CDH13: variants seen among roughly 807,000 people sequenced by gnomAD.
CDH13 encodes the protein cadherin-13.
Under a neutral mutation model 63.8 loss-of-function variants are expected in CDH13, and 24 were observed. That is an observed-to-expected ratio of 0.38 (90% CI 0.27 to 0.53). The LOEUF is 0.53. Among genes scored for constraint, CDH13 ranks in the 20% least tolerant of loss-of-function variants. CDH13 has a pLI of 0.85. For missense variants in CDH13, 1,049 were observed against 903.1 expected, an observed-to-expected ratio of 1.16 and a Z score of -2.07; for synonymous variants, 503 against 355.3, an observed-to-expected ratio of 1.42 and a Z score of -4.67.
At chr16:82,836,251 C>T (rs777267618) in intron 1 of CDH13, among the ~76,000 whole-genome samples, 98 of 152,064 alleles carry the variant, frequency 6.4e-4, no homozygotes, top group Admixed American at 1.3e-3. Context: ...TGGGTTCAAG[C>T]GATTCTCCTC....
chr16:83,335,761 C>T (rs147545170), intron 5 of CDH13, among the ~76,000 whole-genome samples: 128 of 152,140 alleles, frequency 8.4e-4, no homozygotes, highest in African/African-American at 3.0e-3. Context: ...ATCTAATTAC[C>T]GGTGCATGCA....
chr16:82,978,748 C>T (rs759647216), intron 2 of CDH13, among the ~76,000 whole-genome samples: 1 of 152,240 alleles, frequency 6.6e-6, no homozygotes, highest in Non-Finnish European at 1.5e-5. Context: ...TCATGGAGAA[C>T]CTCTGCTAGA....
chr16:83,048,009 GT>G (rs1334212884), intron 3 of CDH13, among the ~76,000 whole-genome samples: 1 of 152,018 alleles, frequency 6.6e-6, no homozygotes, highest in East Asian at 1.9e-4. Context: ...TATCTTTTTT[GT>G]CACAATAGAA....
intron 7 of CDH13, among the ~76,000 whole-genome samples, chr16:83,508,052 A>T (rs2074444893): frequency 1.9e-5 from 1 of 51,528 alleles, no homozygotes; most frequent in Non-Finnish European, 3.7e-5. Context: ...AGAGAGAAAG[A>T]GAAGAAGGAA....
intron 1 of CDH13, among the ~76,000 whole-genome samples, chr16:82,655,631 T>A (rs139632560): frequency 1.8e-3 from 273 of 152,256 alleles, no homozygotes; most frequent in African/African-American, 6.2e-3. Flanking sequence ...TTTGTTTTTA[T>A]GTGCAGCAGA....
At chr16:82,782,934 A>G (rs553982945) in intron 1 of CDH13, among the ~76,000 whole-genome samples, 2 of 152,008 alleles carry the variant, frequency 1.3e-5, no homozygotes, top group African/African-American at 4.8e-5. Flanking sequence ...ACTAGGGGCA[A>G]CTCTACTTCC....
At chr16:83,107,282 A>G (rs947061750) in intron 3 of CDH13, among the ~76,000 whole-genome samples, 1 of 152,020 alleles carries the variant, frequency 6.6e-6, no homozygotes, top group African/African-American at 2.4e-5. Flanking sequence ...AGGGACCCCT[A>G]TGGGGAAATT....
chr16:82,807,857 G>A (rs560101984), intron 1 of CDH13, among the ~76,000 whole-genome samples: 2 of 152,232 alleles, frequency 1.3e-5, no homozygotes, highest in African/African-American at 4.8e-5. Flanking sequence ...CTTTATTTAG[G>A]CTCTTCCATA....
At chr16:83,715,138 A>T (rs1023313354) in intron 10 of CDH13, among the ~76,000 whole-genome samples, 1 of 152,182 alleles carries the variant, frequency 6.6e-6, no homozygotes, top group Non-Finnish European at 1.5e-5. Context: ...TCCACAAAAG[A>T]TATGAAATGG....
chr16:83,002,917 A>G (rs1457252433), intron 2 of CDH13, among the ~76,000 whole-genome samples: 1 of 152,210 alleles, frequency 6.6e-6, no homozygotes, highest in African/African-American at 2.4e-5. Flanking sequence ...TTACCCATTG[A>G]CTTAACACTT....
At chr16:82,628,287 G>A (rs183055487) in intron 1 of CDH13, among the ~76,000 whole-genome samples, 1 of 152,300 alleles carries the variant, frequency 6.6e-6, no homozygotes, top group Admixed American at 6.5e-5. Context: ...AGAGTAAGGA[G>A]GGAAAGAGAC....
chr16:82,767,233 C>A (rs927840546), intron 1 of CDH13, among the ~76,000 whole-genome samples: 21 of 152,140 alleles, frequency 1.4e-4, no homozygotes, highest in African/African-American at 4.8e-4. Flanking sequence ...ATCTGTGTAA[C>A]CCAAAGCATT....
intron 3 of CDH13, among the ~76,000 whole-genome samples, chr16:83,049,104 A>T (rs2029980289): frequency 6.6e-6 from 1 of 152,158 alleles, no homozygotes; most frequent in East Asian, 1.9e-4. Flanking sequence ...ATTGAGGTAA[A>T]ATTTACATAA....
chr16:83,307,690 A>G (rs546524594), intron 5 of CDH13, among the ~76,000 whole-genome samples: 1 of 152,200 alleles, frequency 6.6e-6, no homozygotes, highest in Non-Finnish European at 1.5e-5. Flanking sequence ...TAGAAATTGA[A>G]AAGTATTTTA....
chr16:82,695,393 C>G (rs1012832954), intron 1 of CDH13, among the ~76,000 whole-genome samples: 3 of 152,138 alleles, frequency 2.0e-5, no homozygotes. Flanking sequence ...TTAATAAATT[C>G]TTTTTAACTC....
chr16:82,793,936 G>C (rs559602223), intron 1 of CDH13, among the ~76,000 whole-genome samples: 5 of 152,224 alleles, frequency 3.3e-5, no homozygotes, highest in African/African-American at 1.2e-4. Flanking sequence ...CAGTGGATCA[G>C]GAAAGGCCAG....
intron 6 of CDH13, among the ~76,000 whole-genome samples, chr16:83,388,056 C>A (rs16960333): frequency 0.32 from 49,021 of 151,952 alleles, 8,226 homozygotes; most frequent in South Asian, 0.55. Flanking sequence ...ATGACACCTA[C>A]TCTGACAGAG....
chr16:83,078,952 A>G (rs1277316636), intron 3 of CDH13, among the ~76,000 whole-genome samples: 1 of 152,112 alleles, frequency 6.6e-6, no homozygotes, highest in Non-Finnish European at 1.5e-5. Context: ...GCACCACCAC[A>G]GCAAGCTAAT....
chr16:83,268,891 T>G (rs2088706509), intron 5 of CDH13, among the ~76,000 whole-genome samples: 1 of 152,058 alleles, frequency 6.6e-6, no homozygotes, highest in African/African-American at 2.4e-5. Flanking sequence ...TGGCATTCTT[T>G]AGCTCTCTGT....
Sources: allele counts gnomAD v4.1 joint callset (sites outside exome capture counted in the v4.1 genomes callset), GRCh38; gene constraint gnomAD v4.1.1; transcripts MANE v1.5; gene names NCBI Gene and HGNC (gene_info 2026-07-23, HGNC 2026-07-21).